The following ZDHHC2 variants were observed in gnomAD, a reference collection of about 807,000 sequenced individuals.
ZDHHC2 encodes palmitoyltransferase ZDHHC2.
A neutral mutation model predicts 55.6 loss-of-function variants in ZDHHC2; 51 were observed. The ratio of observed to expected loss-of-function variants is 0.92; its 90% CI spans 0.73 to 1.16. The LOEUF (loss-of-function observed/expected upper bound fraction) is 1.16, where lower values mean the gene tolerates loss of function less well. ZDHHC2 is among the 50% of genes most tolerant of loss of function. The probability of loss-of-function intolerance (pLI) is 0.00; values close to 1 mark genes in which losing one functional copy is unlikely to be tolerated. For synonymous variants in ZDHHC2, 199 were observed against 152.9 expected (o/e 1.30, Z -2.22); for missense variants, 491 against 442.4 (o/e 1.11, Z -0.99).
chr8:17,167,099 G>T (rs748793775), intron 1 of ZDHHC2, among the ~76,000 whole-genome samples: 5 of 152,000 alleles, frequency 3.3e-5, no homozygotes, highest in Non-Finnish European at 1.5e-5. Context: ...AGGTTAACAC[G>T]TACTAACATT....
At chr8:17,168,296 C>T (rs1042055368) in intron 1 of ZDHHC2, among the ~76,000 whole-genome samples, 6 of 152,172 alleles carry the variant, frequency 3.9e-5, no homozygotes, top group African/African-American at 1.2e-4. Flanking sequence ...GCATACACAG[C>T]TCAACAAAGC....
At chr8:17,200,072 C>T (rs1282815833) in intron 6 of ZDHHC2, among the ~76,000 whole-genome samples, 11 of 152,088 alleles carry the variant, frequency 7.2e-5, no homozygotes, top group Non-Finnish European at 1.5e-4. Context: ...TCTTAATTCT[C>T]CTTACATTCA....
At chr8:17,211,025 T>C (rs962928099) in intron 10 of ZDHHC2, among the ~76,000 whole-genome samples, 37 of 152,182 alleles carry the variant, frequency 2.4e-4, no homozygotes, top group Non-Finnish European at 7.3e-5. Context: ...TAGAAATTCA[T>C]TGTCTGGAGA....
Position 17,169,045 on chromosome 8 carries a change from A to T in ZDHHC2, c.130+12192A>T, listed in dbSNP as rs556312507. On this transcript the variant is annotated intron_variant, in intron 1 of 12. Transcript: ENST00000262096. ...TTTAAATTCTTTTGGTAGATACCTA[A>T]GAGTGGAATTGGTCAGTCATATGGT... Among the ~76,000 whole-genome samples the T allele has an allele frequency of 1.3e-3, 196 of 152,268 alleles. 1 individual carries two copies. Among genetic ancestry groups the T allele is most frequent in the Non-Finnish European group, 2.5e-3 (170 of 68,024 alleles).
intron 1 of ZDHHC2, among the ~76,000 whole-genome samples, chr8:17,183,565 A>G (rs1318736397): frequency 6.6e-6 from 1 of 152,222 alleles, no homozygotes; most frequent in African/African-American, 2.4e-5. Flanking sequence ...CCTAGGAAGC[A>G]TTTACAGATG....
intron 10 of ZDHHC2, among the ~76,000 whole-genome samples, chr8:17,213,395 A>G (rs1004112152): frequency 6.6e-6 from 1 of 151,956 alleles, no homozygotes; most frequent in Non-Finnish European, 1.5e-5. Flanking sequence ...CTGGAATTAC[A>G]TGTACACCAC....
At chr8:17,168,809 G>A (rs1014432814) in intron 1 of ZDHHC2, among the ~76,000 whole-genome samples, 1 of 152,012 alleles carries the variant, frequency 6.6e-6, no homozygotes, top group Non-Finnish European at 1.5e-5. Flanking sequence ...CTGTGTTGTA[G>A]CATGTGTCAG....
In ZDHHC2 at chr8:17,156,523, C is replaced by A. The variant is rs1207027516; in HGVS notation, c.-201C>A. On this transcript the variant is annotated 5_prime_UTR_variant, in exon 1 of 13. Coordinates refer to ENST00000262096, the MANE Select transcript of ZDHHC2 (RefSeq NM_016353.5). ...CTCGCAGCCGCCGCCTCCGCCTCCG[C>A]CGGGCTGAGGAGCCGGGAGTCCGCC... is the stretch of plus-strand genomic sequence containing the variant. The A allele has an allele frequency of 4.8e-6, 1 of 209,468 alleles. No homozygotes were observed. Among genetic ancestry groups the A allele is most frequent in the Non-Finnish European group, 8.3e-6 (1 of 120,452 alleles). The allele number at this position is 209,468 out of a possible 1,614,324, so 13.0% of individuals were successfully genotyped here. A position where few individuals can be genotyped will look rare whatever the true frequency, so the allele number is the denominator to read the frequency against.
At chr8:17,158,411 A>G (rs1804172480) in intron 1 of ZDHHC2, among the ~76,000 whole-genome samples, 1 of 152,194 alleles carries the variant, frequency 6.6e-6, no homozygotes, top group Non-Finnish European at 1.5e-5. Flanking sequence ...ATTCTCCTGT[A>G]TTATCACATT....
intron 1 of ZDHHC2, among the ~76,000 whole-genome samples, chr8:17,172,056 G>T (rs943571405): frequency 6.6e-6 from 1 of 151,850 alleles, no homozygotes; most frequent in Non-Finnish European, 1.5e-5. Context: ...CCAGGAATTC[G>T]TCCGATTGAT....
chr8:17,224,610 T>G lies in ZDHHC2; in HGVS notation c.*4389T>G, dbSNP rs1808050239. On this transcript the variant is annotated 3_prime_UTR_variant, in exon 13 of 13. Coordinates refer to ENST00000262096, the MANE Select transcript of ZDHHC2 (RefSeq NM_016353.5). ...CTTAATCAATTGAAAAAAAAACGCA[T>G]AATGCTTCAAGGTAAAATTCCGTTG... 6.6e-6 allele frequency: 1 copy of G among 151,670 alleles called. No homozygotes were observed. Among genetic ancestry groups the G allele is most frequent in the Non-Finnish European group, 1.5e-5 (1 of 67,676 alleles). The allele number at this position is 151,670 out of a possible 1,614,324, so 9.4% of individuals were successfully genotyped here.
At chr8:17,184,717 T>C in intron 1 of ZDHHC2, 72 bp from the exon 2 acceptor site, 1 of 1,264,394 alleles carries the variant, frequency 7.9e-7, no homozygotes, top group Non-Finnish European at 1.1e-6. Flanking sequence ...GCTACTTAAA[T>C]GCCTTATGTC....
intron 1 of ZDHHC2, among the ~76,000 whole-genome samples, chr8:17,178,557 A>C (rs1224078405): frequency 6.6e-6 from 1 of 152,200 alleles, no homozygotes; most frequent in African/African-American, 2.4e-5. Flanking sequence ...TCATTGTAGC[A>C]CATAAGTAGC....
At chr8:17,199,590 T>TTG (rs1806601175) in intron 6 of ZDHHC2, among the ~76,000 whole-genome samples, 10 of 40,962 alleles carry the variant, frequency 2.4e-4, no homozygotes, top group South Asian at 1.6e-3. Flanking sequence ...TTCTTCTTCT[T>TTG]TCTTCTTCTT....
At chr8:17,197,098 C>G (rs1291837329) in intron 4 of ZDHHC2, among the ~76,000 whole-genome samples, 1 of 152,108 alleles carries the variant, frequency 6.6e-6, no homozygotes, top group East Asian at 1.9e-4. Flanking sequence ...TAAGGCTAAA[C>G]AAACACTGCA....
rs1807998849 is a variant in ZDHHC2 at position 17,223,419 on chromosome 8, CAAAT to C, written c.*3201_*3204del. 1.3e-5 allele frequency: 2 copies of C among 151,886 alleles called. No homozygotes were observed. Among genetic ancestry groups the C allele is most frequent in the African/African-American group, 4.8e-5 (2 of 41,434 alleles). The allele number at this position is 151,886 out of a possible 1,614,324, so 9.4% of individuals were successfully genotyped here. A position where few individuals can be genotyped will look rare whatever the true frequency, so the allele number is the denominator to read the frequency against. ...GACATTTAAACAAGTGGATTTTTCA[CAAAT>C]AACACGTGTTTAATATCTTTCTGCA... On this transcript the variant is annotated 3_prime_UTR_variant, in exon 13 of 13. Transcript: ENST00000262096.
chr8:17,188,020 TCTC>T (rs1479600919), intron 3 of ZDHHC2, among the ~76,000 whole-genome samples: 1 of 152,220 alleles, frequency 6.6e-6, no homozygotes, highest in Non-Finnish European at 1.5e-5. Context: ...ATTGTATTCT[TCTC>T]CTGGTAATTT....
At chr8:17,177,745 G>T (rs1474366040) in intron 1 of ZDHHC2, among the ~76,000 whole-genome samples, 2 of 133,810 alleles carry the variant, frequency 1.5e-5, no homozygotes, top group East Asian at 2.9e-4. Context: ...TCTCTGTTTT[G>T]GGGTGTTTGT....
intron 10 of ZDHHC2, among the ~76,000 whole-genome samples, chr8:17,211,694 C>T (rs1807392220): frequency 6.6e-6 from 1 of 152,052 alleles, no homozygotes; most frequent in Admixed American, 6.6e-5. Context: ...GTATTTGTCA[C>T]CCCATCCCTA....
Sources: gnomAD v4.1 joint callset for allele counts (sites outside exome capture counted in the v4.1 genomes callset) on GRCh38, gnomAD v4.1.1 for gene constraint, MANE v1.5 for transcripts, NCBI Gene and HGNC (gene_info 2026-07-23, HGNC 2026-07-21) for gene names.